GRK5: variants seen among roughly 807,000 people sequenced by gnomAD.
GRK5 encodes the protein G protein-coupled receptor kinase 5, also known as g protein-coupled receptor kinase GRK5.
GRK5 carries 40 observed loss-of-function variants against 78.4 expected under a neutral mutation model. That is an observed-to-expected ratio of 0.51 (90% CI 0.40 to 0.66). The LOEUF is 0.66. Among genes scored for constraint, GRK5 ranks in the 30% least tolerant of loss-of-function variants. GRK5 has a pLI of 0.00. For synonymous variants in GRK5, 289 were observed against 296.8 expected (o/e 0.97, Z 0.27); for missense variants, 598 against 759.9 (o/e 0.79, Z 2.50).
rs1157548034 is a variant in GRK5 at position 119,207,758 on chromosome 10, C to T, written c.-160C>T. Reference sequence around the variant, plus strand: ...GCTCCTCTTTGCAGAGGGGGAAACTCTTGGGCTGAGAGCAGGAATAATGCG... The same window carrying T: ...GCTCCTCTTTGCAGAGGGGGAAACTTTTGGGCTGAGAGCAGGAATAATGCG... On this transcript the variant is annotated 5_prime_UTR_variant, in exon 1 of 16. Coordinates refer to ENST00000392870, the MANE Select transcript of GRK5 (RefSeq NM_005308.3). The T allele has an allele frequency of 1.4e-6, 1 of 694,734 alleles. No homozygotes were observed. Among genetic ancestry groups the T allele is most frequent in the Non-Finnish European group, 2.3e-6 (1 of 430,470 alleles). 43.0% of individuals were successfully genotyped at this position (694,734 alleles called of 1,614,324 possible).
intron 1 of GRK5, among the ~76,000 whole-genome samples, chr10:119,305,861 G>A (rs569294391): frequency 7.8e-4 from 118 of 151,840 alleles, no homozygotes; most frequent in Non-Finnish European, 1.5e-3. Flanking sequence ...TTGCAAAAAA[G>A]TGATTCTGGA....
At chr10:119,427,357 C>CT (rs1852709837) in intron 6 of GRK5, among the ~76,000 whole-genome samples, 1 of 135,718 alleles carries the variant, frequency 7.4e-6, no homozygotes, top group Admixed American at 7.3e-5. Context: ...CCATCATCAG[C>CT]ATCATCACCA....
At position 119,246,977 on chromosome 10, in the gene GRK5, G is replaced by C. The variant is rs117152538; in HGVS notation, c.52+39008G>C. ...CTGAGAGCCTCTTGGGTTCTATCCA[G>C]ATCTGAGAAGGAATCTGGGATGCCG... On this transcript the variant is annotated intron_variant, in intron 1 of 15. Coordinates refer to ENST00000392870, the MANE Select transcript of GRK5 (RefSeq NM_005308.3). Among the ~76,000 whole-genome samples the C allele has an allele frequency of 4.7e-3, 710 of 152,312 alleles. 1 individual carries two copies. Among genetic ancestry groups the C allele is most frequent in the Middle Eastern group, 0.024 (7 of 294 alleles).
chr10:119,406,009 G>A (rs1233169702), intron 4 of GRK5, among the ~76,000 whole-genome samples: 1 of 152,194 alleles, frequency 6.6e-6, no homozygotes, highest in Admixed American at 6.5e-5. Flanking sequence ...TCTATTGTCT[G>A]CCTGAGGTTC....
At chr10:119,252,844 A>G (rs1020271472) in intron 1 of GRK5, among the ~76,000 whole-genome samples, 5 of 152,126 alleles carry the variant, frequency 3.3e-5, no homozygotes, top group Non-Finnish European at 7.4e-5. Context: ...TTCCCTGAAC[A>G]AATTGAGAGA....
chr10:119,208,034 G>C, intron 1 of GRK5, 65 bp downstream of exon 1: 1 of 1,508,660 alleles, frequency 6.6e-7, no homozygotes, highest in Non-Finnish European at 9.0e-7. Context: ...GTGTCGGGTG[G>C]CGTGCGGGCT....
rs570380250 is a variant in GRK5 at position 119,267,622 on chromosome 10, A to C, written c.53-58894A>C. 5.9e-5 allele frequency among the ~76,000 whole-genome samples: 9 copies of C among 152,300 alleles called. No individual in the cohort carries two copies. The highest frequency in any genetic ancestry group is 1.9e-4 in the African/African-American group (8 of 41,564). On this transcript the variant is annotated intron_variant, in intron 1 of 15. Coordinates refer to ENST00000392870, the MANE Select transcript of GRK5 (RefSeq NM_005308.3). The surrounding 1 kb of genome is among the most constrained non-coding windows in gnomAD (Gnocchi z 4.1). The stretch of plus-strand genomic sequence containing the variant: ...AGGACATGGCAGGTAGATAGGCAAT[A>C]AAAGCACCGAACCAGCCTTAGGTTC...
At chr10:119,236,506 G>A (rs1411228631) in intron 1 of GRK5, among the ~76,000 whole-genome samples, 4 of 151,952 alleles carry the variant, frequency 2.6e-5, no homozygotes, top group East Asian at 1.9e-4. Context: ...GAGCCACTGC[G>A]CCTGGCCCCT....
chr10:119,285,047 G>A (rs1418892981), intron 1 of GRK5, among the ~76,000 whole-genome samples: 1 of 152,206 alleles, frequency 6.6e-6, no homozygotes, highest in Non-Finnish European at 1.5e-5. Context: ...CTCATGAAAG[G>A]TTATGAGGTT....
intron 1 of GRK5, among the ~76,000 whole-genome samples, chr10:119,249,582 C>G (rs1849168330): frequency 6.6e-6 from 1 of 152,058 alleles, no homozygotes; most frequent in Non-Finnish European, 1.5e-5. Context: ...ACTGCAATCT[C>G]CATCTCCCAG....
intron 3 of GRK5, among the ~76,000 whole-genome samples, chr10:119,394,274 G>GTGT (rs1564916899): frequency 1.4e-4 from 4 of 28,424 alleles, no homozygotes; most frequent in African/African-American, 5.5e-4. Context: ...GTGTGTGTGG[G>GTGT]CGTGTGTGTG....
chr10:119,339,272 A>G (rs1850944075), intron 2 of GRK5, among the ~76,000 whole-genome samples: 1 of 152,216 alleles, frequency 6.6e-6, no homozygotes, highest in Non-Finnish European at 1.5e-5. Context: ...ACCTCAAGCC[A>G]ACACAAGAGC....
At chr10:119,450,461 A>G (rs576170263) in intron 13 of GRK5, among the ~76,000 whole-genome samples, 2 of 152,342 alleles carry the variant, frequency 1.3e-5, no homozygotes, top group African/African-American at 4.8e-5. Flanking sequence ...ACGAGTCACA[A>G]GAGAAGAGAA....
At chr10:119,272,593 AGAAAG>A (rs2133676432) in intron 1 of GRK5, among the ~76,000 whole-genome samples, 1 of 128,716 alleles carries the variant, frequency 7.8e-6, no homozygotes, top group African/African-American at 3.2e-5. Context: ...AAAAAAAAAA[AGAAAG>A]AAAGAAAGAA....
chr10:119,225,670 CT>C (rs35238730), intron 1 of GRK5, among the ~76,000 whole-genome samples: 81,640 of 114,570 alleles, frequency 0.71, 28,387 homozygotes, highest in East Asian at 0.8. Flanking sequence ...CTCTCTCTCT[CT>C]TTTTTTTTTT....
At chr10:119,248,605 C>T (rs984783363) in intron 1 of GRK5, among the ~76,000 whole-genome samples, 6 of 152,030 alleles carry the variant, frequency 3.9e-5, no homozygotes, top group Admixed American at 3.3e-4. Flanking sequence ...GATGAGTGAC[C>T]TAGGGCAGGG....
chr10:119,395,653 T>C (rs2133852934), intron 3 of GRK5, among the ~76,000 whole-genome samples: 1 of 152,328 alleles, frequency 6.6e-6, no homozygotes, highest in East Asian at 1.9e-4. Flanking sequence ...CCTTTATCCA[T>C]GTGGCGAGTG....
chr10:119,342,592 C>A (rs750945207), intron 2 of GRK5, among the ~76,000 whole-genome samples: 48 of 152,304 alleles, frequency 3.2e-4, no homozygotes, highest in African/African-American at 1.1e-3. Context: ...TTGTCATCAA[C>A]CGTCCCGTGC....
intron 1 of GRK5, among the ~76,000 whole-genome samples, chr10:119,259,408 T>A (rs1251981975): frequency 6.6e-6 from 1 of 152,236 alleles, no homozygotes; most frequent in Non-Finnish European, 1.5e-5. Context: ...GGTGGCTTCC[T>A]TTTCTGCATC....
Sources: allele counts gnomAD v4.1 joint callset (sites outside exome capture counted in the v4.1 genomes callset), GRCh38; gene constraint gnomAD v4.1.1; non-coding constraint Gnocchi (gnomAD v3.1); transcripts MANE v1.5; gene names NCBI Gene and HGNC (gene_info 2026-07-23, HGNC 2026-07-21).